Variants in HACE1 observed in about 807,000 individuals in gnomAD.
HACE1 encodes E3 ubiquitin-protein ligase HACE1.
HACE1 carries 73 observed loss-of-function variants against 118.4 expected under a neutral mutation model. That is an observed-to-expected ratio of 0.62 (90% CI 0.51 to 0.75). The LOEUF is 0.75. Ranked by LOEUF, HACE1 falls within the 30% of genes least tolerant of loss-of-function variation. HACE1 has a pLI of 0.00. For synonymous variants in HACE1, 368 were observed against 374.8 expected (o/e 0.98, Z 0.21); for missense variants, 749 against 1,102.2 (o/e 0.68, Z 4.54).
In HACE1 at chr6:104,812,018, C is replaced by T. The variant is rs2114975419; in HGVS notation, c.535-625G>A. Among the ~76,000 whole-genome samples the T allele has an allele frequency of 2.0e-5, 3 of 152,210 alleles. No individual in the cohort carries two copies. In the South Asian group the frequency reaches 6.2e-4, roughly 32 times the overall value. ...ATACTTAGCCCCCTAAGCTCTACTC[C>T]TCTAATCATTTGACTCATACTAAGA... On this transcript the variant is annotated intron_variant, in intron 6 of 23. Coordinates refer to ENST00000262903, the MANE Select transcript of HACE1 (RefSeq NM_020771.4).
At chr6:104,815,093 G>A (rs1326278833) in intron 6 of HACE1, among the ~76,000 whole-genome samples, 2 of 138,150 alleles carry the variant, frequency 1.4e-5, no homozygotes, top group African/African-American at 5.8e-5. Context: ...GGTTGGAACA[G>A]TTTGGAGGGC....
At chr6:104,830,281 CT>C (rs896072440) in intron 6 of HACE1, among the ~76,000 whole-genome samples, 13 of 152,114 alleles carry the variant, frequency 8.5e-5, no homozygotes, top group African/African-American at 3.1e-4. Flanking sequence ...CATTTCACAT[CT>C]TTTTTTCCCA....
At chr6:104,764,401 G>A (rs1779745387) in intron 19 of HACE1, among the ~76,000 whole-genome samples, 2 of 152,110 alleles carry the variant, frequency 1.3e-5, no homozygotes, top group Admixed American at 1.3e-4. Context: ...ATGTTTTAAG[G>A]TGAGAAGAAG....
chr6:104,825,451 T>C (rs542064609), intron 6 of HACE1, among the ~76,000 whole-genome samples: 3 of 151,684 alleles, frequency 2.0e-5, no homozygotes, highest in Non-Finnish European at 4.4e-5. Context: ...TGGCTGCACA[T>C]AGCAACCAAT....
chr6:104,776,661 A>G, intron 17 of HACE1, 80 bp downstream of exon 17: 1 of 878,502 alleles, frequency 1.1e-6, no homozygotes, highest in South Asian at 1.3e-5. Context: ...TCTGCTGTGG[A>G]AATCAAAAAT....
At chr6:104,765,821 T>C (rs1279014374) in intron 19 of HACE1, among the ~76,000 whole-genome samples, 1 of 152,224 alleles carries the variant, frequency 6.6e-6, no homozygotes, top group Non-Finnish European at 1.5e-5. Flanking sequence ...TTATTCTATT[T>C]TTCATTAACT....
chr6:104,793,103 T>A (rs1458989713), intron 10 of HACE1, among the ~76,000 whole-genome samples: 1 of 151,736 alleles, frequency 6.6e-6, no homozygotes, highest in East Asian at 1.9e-4. Flanking sequence ...CCGTCTCTAC[T>A]AAAAATACAA....
chr6:104,816,757 A>T (rs1316599442), intron 6 of HACE1, among the ~76,000 whole-genome samples: 1 of 152,172 alleles, frequency 6.6e-6, no homozygotes, highest in Non-Finnish European at 1.5e-5. Flanking sequence ...CACCTGAAAA[A>T]GCCACACGTA....
rs762112164 is a variant in HACE1 at position 104,776,851 on chromosome 6, A to T, written c.1777-23T>A. ...ACCCTGAATTCAAGAAATAAAATTAAGCATCAACAGAAATATGTTATATTG... is the reference window on the plus strand; with the variant it reads ...ACCCTGAATTCAAGAAATAAAATTATGCATCAACAGAAATATGTTATATTG... On this transcript the variant is annotated intron_variant, in intron 16 of 23. Coordinates refer to ENST00000262903, the MANE Select transcript of HACE1 (RefSeq NM_020771.4). 3 of 1,534,528 alleles carry T rather than the reference A, an allele frequency of 2.0e-6. No individual in the cohort carries two copies. In the East Asian group the frequency reaches 6.7e-5, roughly 34 times the overall value.
At chr6:104,828,346 A>C (rs1395793226) in intron 6 of HACE1, among the ~76,000 whole-genome samples, 1 of 152,070 alleles carries the variant, frequency 6.6e-6, no homozygotes, top group African/African-American at 2.4e-5. Context: ...TCATAATAGC[A>C]GTAGGTATTA....
At chr6:104,750,953 T>C (rs933575759) in intron 19 of HACE1, among the ~76,000 whole-genome samples, 1 of 152,238 alleles carries the variant, frequency 6.6e-6, no homozygotes, top group Non-Finnish European at 1.5e-5. Context: ...GGCAGCTCTC[T>C]TGCTCAAAAC....
intron 10 of HACE1, among the ~76,000 whole-genome samples, chr6:104,792,958 C>T (rs1783195320): frequency 6.6e-6 from 1 of 152,086 alleles, no homozygotes; most frequent in Non-Finnish European, 1.5e-5. Context: ...CTCTTCTTCC[C>T]CGGCCCCTTC....
At chr6:104,752,291 C>G (rs1778148212) in intron 19 of HACE1, among the ~76,000 whole-genome samples, 1 of 152,112 alleles carries the variant, frequency 6.6e-6, no homozygotes, top group South Asian at 2.1e-4. Flanking sequence ...AACAGTCAAA[C>G]AGAAACATAC....
chr6:104,744,104 C>T (rs1777134586), intron 22 of HACE1, 56 bp downstream of exon 22: 2 of 990,944 alleles, frequency 2.0e-6, no homozygotes, highest in South Asian at 2.6e-5. Flanking sequence ...ATCTCTAAGC[C>T]ATTAAAAGCA....
At chr6:104,800,225 C>T (rs1368860867) in intron 7 of HACE1, among the ~76,000 whole-genome samples, 4 of 152,114 alleles carry the variant, frequency 2.6e-5, no homozygotes, top group Non-Finnish European at 4.4e-5. Context: ...TCAAACTAGG[C>T]GGAGCCCACT....
intron 19 of HACE1, among the ~76,000 whole-genome samples, chr6:104,768,822 T>C (rs1288982803): frequency 6.6e-6 from 1 of 152,172 alleles, no homozygotes; most frequent in Non-Finnish European, 1.5e-5. Context: ...TTCCCACCTC[T>C]GGTGAGATGC....
intron 5 of HACE1, among the ~76,000 whole-genome samples, chr6:104,838,689 T>C (rs573537979): frequency 1.3e-5 from 2 of 152,030 alleles, no homozygotes; most frequent in Non-Finnish European, 2.9e-5. Context: ...TTGAGTAAAT[T>C]TGCTTTTAAG....
chr6:104,771,100 T>C, intron 19 of HACE1, 93 bp downstream of exon 19: 2 of 885,298 alleles, frequency 2.3e-6, no homozygotes, highest in Non-Finnish European at 1.9e-6. Context: ...ATAGTAAAAG[T>C]TTTTCTACAA....
chr6:104,742,794 C>G (rs1455151867), intron 22 of HACE1, among the ~76,000 whole-genome samples: 1 of 151,996 alleles, frequency 6.6e-6, no homozygotes, highest in Non-Finnish European at 1.5e-5. Context: ...CCATTTGACC[C>G]AGCCATCCCA....
Sources: allele counts gnomAD v4.1 joint callset (sites outside exome capture counted in the v4.1 genomes callset), GRCh38; gene constraint gnomAD v4.1.1; transcripts MANE v1.5; gene names NCBI Gene and HGNC (gene_info 2026-07-23, HGNC 2026-07-21).